ANXA8: variants seen among roughly 807,000 people sequenced by gnomAD.
ANXA8 encodes the protein VAC-beta.
ANXA8 carries 9 observed loss-of-function variants against 26.8 expected under a neutral mutation model. The ratio of observed to expected loss-of-function variants is 0.34; its 90% CI spans 0.20 to 0.59. The LOEUF is 0.59. ANXA8 is among the 20% of genes least tolerant of loss of function. ANXA8 has a pLI of 0.84. For synonymous variants in ANXA8, 39 were observed against 94.8 expected, an observed-to-expected ratio of 0.41 and a Z score of 3.42; for missense variants, 83 against 238.5, an observed-to-expected ratio of 0.35 and a Z score of 4.29.
intron 11 of ANXA8, 109 bp from the exon 12 acceptor site, chr10:47,469,015 C>G: frequency 6.8e-7 from 1 of 1,470,930 alleles, no homozygotes; most frequent in Non-Finnish European, 9.3e-7. Context: ...TGCACCTGGC[C>G]CGGCCCTCCA....
chr10:47,530,662 C>T, the ANXA8 span, among the ~76,000 whole-genome samples: 1 of 148,762 alleles, frequency 6.7e-6, no homozygotes, highest in East Asian at 2.1e-4. Context: ...CACAGCACTC[C>T]AGCCTGGGTG....
the ANXA8 span, among the ~76,000 whole-genome samples, chr10:47,546,203 TCTC>T: frequency 7.3e-6 from 1 of 137,784 alleles, no homozygotes; most frequent in Admixed American, 7.4e-5. Flanking sequence ...CTTCTTTCAA[TCTC>T]CTCACAGAAA....
At chr10:47,589,955 C>A in the ANXA8 span, among the ~76,000 whole-genome samples, 1 of 135,644 alleles carries the variant, frequency 7.4e-6, no homozygotes, top group Non-Finnish European at 1.5e-5. Flanking sequence ...ATAGTTGCTG[C>A]CTTTGCTCTA....
the ANXA8 span, among the ~76,000 whole-genome samples, chr10:47,900,907 G>A: frequency 7.9e-6 from 1 of 127,212 alleles, no homozygotes; most frequent in Non-Finnish European, 1.6e-5. Context: ...CTTAGTAACA[G>A]CATGGAAAAG....
chr10:47,653,928 G>A, the ANXA8 span, among the ~76,000 whole-genome samples: 1 of 149,890 alleles, frequency 6.7e-6, no homozygotes, highest in African/African-American at 2.5e-5. Context: ...TTACAGGTGT[G>A]AGCTACTGCG....
At chr10:47,533,216 C>CACACACACAT in the ANXA8 span, among the ~76,000 whole-genome samples, 2 of 141,530 alleles carry the variant, frequency 1.4e-5, no homozygotes, top group African/African-American at 2.7e-5. Flanking sequence ...CACACACACA[C>CACACACACAT]ACACACACCC....
At chr10:47,636,632 T>G in the ANXA8 span, among the ~76,000 whole-genome samples, 2 of 147,924 alleles carry the variant, frequency 1.4e-5, no homozygotes, top group African/African-American at 5.1e-5. Flanking sequence ...CTCCAAAAAT[T>G]TTCTTGTGTT....
At chr10:47,622,028 T>C in the ANXA8 span, among the ~76,000 whole-genome samples, 1 of 110,680 alleles carries the variant, frequency 9.0e-6, no homozygotes, top group African/African-American at 3.6e-5. Flanking sequence ...TCTCACTCAT[T>C]ATAAAATTGG....
the ANXA8 span, among the ~76,000 whole-genome samples, chr10:47,671,176 A>T: frequency 2.0e-5 from 3 of 151,882 alleles, no homozygotes; most frequent in Non-Finnish European, 4.4e-5. Flanking sequence ...TAATCCCAGC[A>T]CTTTGGGAGG....
chr10:47,610,091 GAA>G, the ANXA8 span, among the ~76,000 whole-genome samples: 1 of 139,164 alleles, frequency 7.2e-6, no homozygotes, highest in African/African-American at 2.9e-5. Flanking sequence ...AATTATTAGT[GAA>G]GTTTTAAACT....
the ANXA8 span, among the ~76,000 whole-genome samples, chr10:47,764,099 G>A: frequency 8.2e-4 from 125 of 151,532 alleles, no homozygotes; most frequent in African/African-American, 2.9e-3. Context: ...TGAGAAGGCG[G>A]AGACCCAGGC....
chr10:47,956,801 C>T, the ANXA8 span, among the ~76,000 whole-genome samples: 1 of 149,928 alleles, frequency 6.7e-6, no homozygotes, highest in Non-Finnish European at 1.5e-5. Context: ...GGCCTGACAC[C>T]ACCTCCTGCA....
At chr10:47,744,705 G>T in the ANXA8 span, among the ~76,000 whole-genome samples, 1 of 151,764 alleles carries the variant, frequency 6.6e-6, no homozygotes, top group African/African-American at 2.4e-5. Flanking sequence ...TGTTGAAAGA[G>T]CCAGGCTTAT....
At chr10:47,687,827 C>T in the ANXA8 span, among the ~76,000 whole-genome samples, 8 of 151,992 alleles carry the variant, frequency 5.3e-5, no homozygotes, top group Non-Finnish European at 7.4e-5. Context: ...TCGCCAGGCA[C>T]GTTGGCTCAC....
At chr10:47,951,186 A>T in the ANXA8 span, among the ~76,000 whole-genome samples, 4 of 149,962 alleles carry the variant, frequency 2.7e-5, no homozygotes, top group Admixed American at 1.3e-4. Context: ...AAATTTGACA[A>T]CCCAGAGGAA....
At chr10:47,753,085 G>A in the ANXA8 span, 1 of 942,564 alleles carries the variant, frequency 1.1e-6, no homozygotes, top group Non-Finnish European at 1.3e-6. Context: ...TCCAGCCTGG[G>A]TGACAAGAGG....
the ANXA8 span, among the ~76,000 whole-genome samples, chr10:47,632,361 G>C: frequency 5.3e-5 from 8 of 150,322 alleles, no homozygotes; most frequent in Admixed American, 3.3e-4. Context: ...TTGTTTGTTT[G>C]TTTTAATAAA....
At chr10:47,984,511 CAT>C in the ANXA8 span, among the ~76,000 whole-genome samples, 5 of 124,562 alleles carry the variant, frequency 4.0e-5, no homozygotes, top group Non-Finnish European at 8.6e-5. Context: ...CATTGTATCA[CAT>C]GTGTAGATTC....
At chr10:47,685,319 C>T in the ANXA8 span, among the ~76,000 whole-genome samples, 4 of 146,356 alleles carry the variant, frequency 2.7e-5, no homozygotes, top group Non-Finnish European at 6.0e-5. Flanking sequence ...GCACTCCAGC[C>T]TGGGTGACAA....
Sources: allele counts gnomAD v4.1 joint callset (sites outside exome capture counted in the v4.1 genomes callset), GRCh38; gene constraint gnomAD v4.1.1; transcripts MANE v1.5; gene names NCBI Gene and HGNC (gene_info 2026-07-23, HGNC 2026-07-21).